POLR3H: variants seen among roughly 807,000 people sequenced by gnomAD.
POLR3H encodes DNA-directed RNA polymerase III subunit RPC8.
A neutral mutation model predicts 25.5 loss-of-function variants in POLR3H; 17 were observed. That is an observed-to-expected ratio of 0.67 (90% confidence interval 0.46 to 1.00). The LOEUF is 1.00. Among genes scored for constraint, POLR3H ranks in the 50% least tolerant of loss-of-function variants. The pLI is 0.00. For synonymous variants in POLR3H, 129 were observed against 103.0 expected, an observed-to-expected ratio of 1.25 and a Z score of -1.53; for missense variants, 274 against 265.0, an observed-to-expected ratio of 1.03 and a Z score of -0.24.
In POLR3H at chr22:41,527,599, G is replaced by A. The variant is rs976008265; in HGVS notation, c.*1684C>T. The A allele has an allele frequency of 8.7e-6, 8 of 923,204 alleles. No homozygotes were observed. Among genetic ancestry groups the A allele is most frequent in the Non-Finnish European group, 1.3e-5 (8 of 630,526 alleles). 57.2% of individuals were successfully genotyped at this position (923,204 alleles called of 1,614,324 possible). On this transcript the variant is annotated 3_prime_UTR_variant, in exon 6 of 6. Coordinates refer to ENST00000355209, the MANE Select transcript of POLR3H (RefSeq NM_001018050.4). ...TGCACATCCGACGCTCAGCTTCCCG[G>A]CTTCCCGCAGGCCCTGCTTCCAGGC...
At position 41,527,822 on chromosome 22, in the gene POLR3H, A is replaced by G. The variant is rs917329304; in HGVS notation, c.*1461T>C. 1.3e-4 allele frequency: 213 copies of G among 1,604,420 alleles called. No homozygotes were observed. Among genetic ancestry groups the G allele is most frequent in the Non-Finnish European group, 1.8e-4 (207 of 1,174,826 alleles). ...GGCAGCAGGATTAGGGGCATCTCCCAGAGCCCCAGATGGGTTCAGAAAATG... is the reference window on the plus strand; with the variant it reads ...GGCAGCAGGATTAGGGGCATCTCCCGGAGCCCCAGATGGGTTCAGAAAATG... On this transcript the variant is annotated 3_prime_UTR_variant, in exon 6 of 6. Coordinates refer to ENST00000355209, the MANE Select transcript of POLR3H (RefSeq NM_001018050.4).
At chr22:41,536,259 G>A (rs1385467881) in intron 2 of POLR3H, among the ~76,000 whole-genome samples, 14 of 151,804 alleles carry the variant, frequency 9.2e-5, no homozygotes, top group African/African-American at 3.4e-4. Context: ...GCCGGGCGTG[G>A]TGGCGGGCAC....
At chr22:41,530,549 G>A (rs909978945) in intron 5 of POLR3H, 138 bp downstream of exon 5, 8 of 760,468 alleles carry the variant, frequency 1.1e-5, no homozygotes, top group Admixed American at 2.8e-5. Context: ...AGGGAGAAGT[G>A]ACCAGCCAAG....
Position 41,526,405 on chromosome 22 carries a change from C to G in POLR3H, c.*2878G>C. The stretch of plus-strand genomic sequence containing the variant: ...GCAAGGCCAACTCCGTGCGCAATGC[C>G]GTCACTCAGGAGTTTGGCCCCGTCC... On this transcript the variant is annotated 3_prime_UTR_variant, in exon 6 of 6. Coordinates refer to ENST00000355209, the MANE Select transcript of POLR3H (RefSeq NM_001018050.4). 6.2e-7 allele frequency: 1 copy of G among 1,613,896 alleles called. No homozygotes were observed. Among genetic ancestry groups the G allele is most frequent in the Non-Finnish European group, 8.5e-7 (1 of 1,179,986 alleles).
In POLR3H at chr22:41,528,466, C is replaced by A; in HGVS notation, c.*817G>T. On this transcript the variant is annotated 3_prime_UTR_variant, in exon 6 of 6. Coordinates refer to ENST00000355209, the MANE Select transcript of POLR3H (RefSeq NM_001018050.4). ...ACCCACCACTTCCACCCACACCCAC[C>A]TTCTCCTTGCAGCCCCTGAAGTGCA... 6.2e-7 allele frequency: 1 copy of A among 1,611,486 alleles called. No individual in the cohort carries two copies. The highest frequency in any genetic ancestry group is 8.5e-7 in the Non-Finnish European group (1 of 1,179,696).
chr22:41,544,062 G>T lies in POLR3H; in HGVS notation c.40C>A (p.Pro14Thr). The change falls in exon 1 of 6, where the codon CCC (proline) becomes ACC (threonine). Residue 14 changes from proline (P) to threonine (T), a missense_variant. Coordinates refer to ENST00000355209, the MANE Select transcript of POLR3H (RefSeq NM_001018050.4). ...LVEMVDTVRI[P>T]PWQFERKLND... ...AGCTTCCTCTCAAACTGCCAAGGGG[G>T]GATCCGGACGGTGTCCACCATTTCC... The T allele has an allele frequency of 1.2e-6, 2 of 1,613,810 alleles. No homozygotes were observed. Among genetic ancestry groups the T allele is most frequent in the Non-Finnish European group, 1.7e-6 (2 of 1,179,752 alleles).
chr22:41,541,522 G>A (rs1229951552), intron 1 of POLR3H, among the ~76,000 whole-genome samples: 2 of 152,172 alleles, frequency 1.3e-5, no homozygotes, highest in Admixed American at 1.3e-4. Flanking sequence ...TGCAAGAACT[G>A]TCCAAGAATT....
At position 41,528,033 on chromosome 22, in the gene POLR3H, C is replaced by T. The variant is rs758704771; in HGVS notation, c.*1250G>A. The T allele has an allele frequency of 1.8e-5, 29 of 1,613,952 alleles. No individual in the cohort carries two copies. Among genetic ancestry groups the T allele is most frequent in the East Asian group, 2.2e-5 (1 of 44,888 alleles). On this transcript the variant is annotated 3_prime_UTR_variant, in exon 6 of 6. Coordinates refer to ENST00000355209, the MANE Select transcript of POLR3H (RefSeq NM_001018050.4). ...TTCACCCCTGGCAAGGTTAGGGGCC[C>T]GGGTCCCCCTGAGGTGGTGGGGTGA...
Position 41,528,323 on chromosome 22 carries a change from G to C in POLR3H, c.*960C>G. The C allele has an allele frequency of 1.8e-6, 2 of 1,130,356 alleles. No homozygotes were observed. Among genetic ancestry groups the C allele is most frequent in the Admixed American group, 5.5e-5 (2 of 36,180 alleles). The allele number at this position is 1,130,356 out of a possible 1,614,324, so 70.0% of individuals were successfully genotyped here. On this transcript the variant is annotated 3_prime_UTR_variant, in exon 6 of 6. Transcript: ENST00000355209. Reference sequence around the variant, plus strand: ...GGAATCCCCTGTAGGTGCCACCTGGGTCTGACCTGGGCCATCAGGCACAGA... The same window carrying C: ...GGAATCCCCTGTAGGTGCCACCTGGCTCTGACCTGGGCCATCAGGCACAGA...
rs1372248926 is a variant in POLR3H at position 41,544,420 on chromosome 22, T to C, written c.-319A>G. The C allele has an allele frequency of 1.1e-4, 17 of 157,440 alleles. No individual in the cohort carries two copies. The highest frequency in any genetic ancestry group is 6.0e-4 in the Admixed American group (5 of 8,274). The allele number at this position is 157,440 out of a possible 1,614,324, so 9.8% of individuals were successfully genotyped here. A position where few individuals can be genotyped will look rare whatever the true frequency, so the allele number is the denominator to read the frequency against. On this transcript the variant is annotated 5_prime_UTR_variant, in exon 1 of 6. Coordinates refer to ENST00000355209, the MANE Select transcript of POLR3H (RefSeq NM_001018050.4). ...CCCGCGCCACGTGCCGCCGCTCGTA[T>C]CACGCACCACGCACCACGCACCGCG... is the stretch of plus-strand genomic sequence containing the variant.
At chr22:41,543,116 G>C (rs1295211171) in intron 1 of POLR3H, among the ~76,000 whole-genome samples, 22 of 152,150 alleles carry the variant, frequency 1.4e-4, no homozygotes, top group Admixed American at 1.4e-3. Flanking sequence ...CTCTCAAGGA[G>C]AGGGAAAGGA....
chr22:41,536,579 A>C lies in POLR3H; in HGVS notation c.209-3834T>G, dbSNP rs913128512. ...ATGTCAAAAAAGGTTTAAAAAAAAA[A>C]AAAAGGCCAGGCGCAGTGGCTCATG... On this transcript the variant is annotated intron_variant, in intron 2 of 5. Coordinates refer to ENST00000355209, the MANE Select transcript of POLR3H (RefSeq NM_001018050.4). Among the ~76,000 whole-genome samples, 35 of 151,898 alleles carry C rather than the reference A, an allele frequency of 2.3e-4. 1 individual carries two copies. Among genetic ancestry groups the C allele is most frequent in the Non-Finnish European group, 8.8e-5 (6 of 67,988 alleles).
Position 41,527,997 on chromosome 22 carries a change from G to A in POLR3H, c.*1286C>T, listed in dbSNP as rs766931866. The A allele has an allele frequency of 2.5e-6, 4 of 1,614,176 alleles. No individual in the cohort carries two copies. Among genetic ancestry groups the A allele is most frequent in the Non-Finnish European group, 2.5e-6 (3 of 1,180,028 alleles). ...CCTGTGGACAAGCTGACCATTCAGG[G>A]CCTGAAGGACTTCACCCCTGGCAAG... On this transcript the variant is annotated 3_prime_UTR_variant, in exon 6 of 6. Transcript: ENST00000355209.
chr22:41,544,145 G>A lies in POLR3H; in HGVS notation c.-44C>T. 1.6e-6 allele frequency: 2 copies of A among 1,247,694 alleles called. No individual in the cohort carries two copies. Among genetic ancestry groups the A allele is most frequent in the Non-Finnish European group, 2.3e-6 (2 of 858,356 alleles). 77.3% of individuals were successfully genotyped at this position (1,247,694 alleles called of 1,614,324 possible). On this transcript the variant is annotated 5_prime_UTR_variant, in exon 1 of 6. Transcript: ENST00000355209. ...CTCTGGGAACAGGAGGGTCAGTCAC[G>A]CACCAGGGCCGGGGGCAGGGAGAAT... is the stretch of plus-strand genomic sequence containing the variant.
intron 2 of POLR3H, among the ~76,000 whole-genome samples, 155 bp from the exon 3 acceptor site, chr22:41,532,900 C>G (rs2066769371): frequency 6.6e-6 from 1 of 152,158 alleles, no homozygotes; most frequent in African/African-American, 2.4e-5. Context: ...TGCAAGTTCA[C>G]AGCATGGCCC....
In POLR3H at chr22:41,526,207, A is replaced by G. The variant is rs931564918; in HGVS notation, c.*3076T>C. The G allele has an allele frequency of 3.9e-6, 6 of 1,523,518 alleles. No homozygotes were observed. The highest frequency in any genetic ancestry group is 5.4e-6 in the Non-Finnish European group (6 of 1,116,360). 94.4% of individuals were successfully genotyped at this position (1,523,518 alleles called of 1,614,324 possible). A position where few individuals can be genotyped will look rare whatever the true frequency, so the allele number is the denominator to read the frequency against. The stretch of plus-strand genomic sequence containing the variant: ...GCTGCCTGCCTCTGGAGGGCTTGTC[A>G]TCCACCCCTCCAGGGCCATGCCCTG... On this transcript the variant is annotated 3_prime_UTR_variant, in exon 6 of 6. Transcript: ENST00000355209.
At chr22:41,532,025 G>A in intron 4 of POLR3H, 69 bp downstream of exon 4, 1 of 1,424,032 alleles carries the variant, frequency 7.0e-7, no homozygotes, top group African/African-American at 1.4e-5. Context: ...GCCACCCTAA[G>A]GAGTGGGGAC....
intron 2 of POLR3H, chr22:41,533,791 A>G: frequency 9.9e-7 from 1 of 1,013,212 alleles, no homozygotes; most frequent in East Asian, 6.1e-5. Context: ...CCACTTACGC[A>G]CAGATGGAAA....
In POLR3H at chr22:41,544,377, GCCACT is replaced by G. The variant is rs2066986904; in HGVS notation, c.-281_-277del. The G allele has an allele frequency of 1.9e-5, 6 of 317,724 alleles. No individual in the cohort carries two copies. The highest frequency in any genetic ancestry group is 5.5e-5 in the South Asian group (1 of 18,122). The allele number at this position is 317,724 out of a possible 1,614,324, so 19.7% of individuals were successfully genotyped here. ...GCCACGCCACGCCACTCCACGCCAC[GCCACT>G]CCACGCCCCGCACCCGCGCCACGTG... On this transcript the variant is annotated 5_prime_UTR_variant, in exon 1 of 6. Transcript: ENST00000355209.
Sources: allele counts gnomAD v4.1 joint callset (sites outside exome capture counted in the v4.1 genomes callset), GRCh38; gene constraint gnomAD v4.1.1; transcripts MANE v1.5; gene names NCBI Gene and HGNC (gene_info 2026-07-23, HGNC 2026-07-21).